TMEM132D: variants seen among roughly 807,000 people sequenced by gnomAD.
TMEM132D encodes transmembrane protein 132D.
A neutral mutation model predicts 62.3 loss-of-function variants in TMEM132D; 21 were observed. The observed-to-expected ratio is 0.34, with a 90% CI of 0.24 to 0.49. TMEM132D has a LOEUF of 0.49. Ranked by LOEUF, TMEM132D falls within the 20% of genes least tolerant of loss-of-function variation. The pLI, the probability that TMEM132D is intolerant of heterozygous loss-of-function variation, is 0.99. For missense variants in TMEM132D, 1,346 were observed against 1,402.8 expected (o/e 0.96, Z 0.65); for synonymous variants, 621 against 575.6 (o/e 1.08, Z -1.13).
chr12:129,418,845 C>T (rs1373649014), intron 3 of TMEM132D, among the ~76,000 whole-genome samples: 3 of 152,088 alleles, frequency 2.0e-5, no homozygotes, highest in East Asian at 1.9e-4. Context: ...TGTTCCTATA[C>T]GAAGGCCAGG....
At chr12:129,739,311 G>A (rs757631929) in intron 1 of TMEM132D, among the ~76,000 whole-genome samples, 5 of 152,104 alleles carry the variant, frequency 3.3e-5, no homozygotes, top group Non-Finnish European at 7.3e-5. Flanking sequence ...GTCCAGGTGG[G>A]GAAAATTCCC....
chr12:129,466,697 A>C (rs1280192955), intron 3 of TMEM132D, among the ~76,000 whole-genome samples: 1 of 152,176 alleles, frequency 6.6e-6, no homozygotes, highest in African/African-American at 2.4e-5. Flanking sequence ...AACAGCACAC[A>C]GTCTTCTGAC....
chr12:129,876,069 A>G (rs955290755), intron 1 of TMEM132D, among the ~76,000 whole-genome samples: 1 of 152,200 alleles, frequency 6.6e-6, no homozygotes, highest in Non-Finnish European at 1.5e-5. Context: ...GACCTAAAAC[A>G]TGGTTCCTGG....
chr12:129,477,559 A>G (rs1003330975), intron 3 of TMEM132D, among the ~76,000 whole-genome samples: 1 of 152,130 alleles, frequency 6.6e-6, no homozygotes, highest in Non-Finnish European at 1.5e-5. Context: ...CGTGGCTCAC[A>G]CCTGTAATCC....
chr12:129,374,006 A>G (rs1280491643), intron 3 of TMEM132D, among the ~76,000 whole-genome samples: 1 of 152,214 alleles, frequency 6.6e-6, no homozygotes, highest in African/African-American at 2.4e-5. Flanking sequence ...AAATATCAAC[A>G]TAATACATAA....
At chr12:129,681,713 G>T (rs1880781605) in intron 2 of TMEM132D, 1 of 152,242 alleles carries the variant, frequency 6.6e-6, no homozygotes, top group African/African-American at 2.4e-5. Flanking sequence ...AAGAGCAGGG[G>T]ATCAGAACCC....
At chr12:129,898,354 G>T (rs1325692790) in intron 1 of TMEM132D, among the ~76,000 whole-genome samples, 1 of 152,032 alleles carries the variant, frequency 6.6e-6, no homozygotes, top group Non-Finnish European at 1.5e-5. Context: ...CCATTTTTTT[G>T]TCCCCTAGAA....
intron 2 of TMEM132D, among the ~76,000 whole-genome samples, chr12:129,606,622 A>G (rs1481218275): frequency 1.3e-5 from 2 of 152,202 alleles, no homozygotes; most frequent in Non-Finnish European, 2.9e-5. Context: ...TACAGGCACT[A>G]CAGAAAACAC....
chr12:129,697,529 C>G (rs766994847), intron 2 of TMEM132D, among the ~76,000 whole-genome samples: 7 of 152,104 alleles, frequency 4.6e-5, no homozygotes, highest in Non-Finnish European at 8.8e-5. Flanking sequence ...AGCATCGTAC[C>G]GAGGTAAACA....
intron 2 of TMEM132D, among the ~76,000 whole-genome samples, chr12:129,549,925 C>T (rs770644915): frequency 1.6e-4 from 25 of 152,174 alleles, no homozygotes; most frequent in Non-Finnish European, 2.9e-4. Flanking sequence ...TAAACATTGT[C>T]GGCCTCAAAA....
chr12:129,296,093 TATATATAC>T (rs1881567571), intron 4 of TMEM132D, among the ~76,000 whole-genome samples: 1 of 151,926 alleles, frequency 6.6e-6, no homozygotes, highest in African/African-American at 2.4e-5. Context: ...CACATATATA[TATATATAC>T]ATATGTATAT....
At chr12:129,264,890 T>C (rs143932000) in intron 4 of TMEM132D, among the ~76,000 whole-genome samples, 1 of 151,948 alleles carries the variant, frequency 6.6e-6, no homozygotes, top group Non-Finnish European at 1.5e-5. Flanking sequence ...ATAAGAATGA[T>C]ACAATGGACT....
chr12:129,122,148 T>A (rs1876084780), intron 5 of TMEM132D, among the ~76,000 whole-genome samples: 1 of 152,320 alleles, frequency 6.6e-6, no homozygotes, highest in African/African-American at 2.4e-5. Flanking sequence ...ATGGCTTTAG[T>A]TTAATTGTGT....
In TMEM132D at chr12:129,082,279, G is replaced by C. The variant is rs150878640; in HGVS notation, c.1650-247C>G. On this transcript the variant is annotated intron_variant, in intron 6 of 8. Coordinates refer to ENST00000422113, the MANE Select transcript of TMEM132D (RefSeq NM_133448.3). ...CAGTGGCCCCTCACCTCCTGGTGAG[G>C]GGTTTACTACTTTGTGTAAACCTCT... is the stretch of plus-strand genomic sequence containing the variant. 4.9e-3 allele frequency among the ~76,000 whole-genome samples: 743 copies of C among 152,226 alleles called. 7 individuals are homozygous for C. Among genetic ancestry groups the C allele is most frequent in the African/African-American group, 0.017 (705 of 41,532 alleles).
At chr12:129,451,489 G>A (rs1873285921) in intron 3 of TMEM132D, among the ~76,000 whole-genome samples, 1 of 152,152 alleles carries the variant, frequency 6.6e-6, no homozygotes, top group Admixed American at 6.5e-5. Context: ...CAATCACAGG[G>A]AAATAAATCA....
At chr12:129,776,114 T>C (rs971072322) in intron 1 of TMEM132D, among the ~76,000 whole-genome samples, 41 of 152,160 alleles carry the variant, frequency 2.7e-4, no homozygotes, top group African/African-American at 9.7e-4. Flanking sequence ...AAGGGGTCGG[T>C]CTATCTTCAT....
At chr12:129,509,090 A>G (rs1593043322) in intron 3 of TMEM132D, among the ~76,000 whole-genome samples, 1 of 152,184 alleles carries the variant, frequency 6.6e-6, no homozygotes, top group Non-Finnish European at 1.5e-5. Flanking sequence ...AATTGAGCCA[A>G]TTGAATGATT....
intron 3 of TMEM132D, among the ~76,000 whole-genome samples, chr12:129,406,196 C>T (rs1190909108): frequency 1.3e-5 from 2 of 152,144 alleles, no homozygotes; most frequent in African/African-American, 4.8e-5. Flanking sequence ...ATACATTCAC[C>T]AAGTGAATGA....
chr12:129,698,865 G>T (rs1283366147), intron 2 of TMEM132D, among the ~76,000 whole-genome samples: 1 of 151,916 alleles, frequency 6.6e-6, no homozygotes, highest in Non-Finnish European at 1.5e-5. Flanking sequence ...CCATATGAAG[G>T]GGGATAGAGA....
Sources: gnomAD v4.1 joint callset for allele counts (sites outside exome capture counted in the v4.1 genomes callset) on GRCh38, gnomAD v4.1.1 for gene constraint, MANE v1.5 for transcripts, NCBI Gene and HGNC (gene_info 2026-07-23, HGNC 2026-07-21) for gene names.